Variants in TRPM3 observed in about 807,000 individuals in gnomAD.
The protein encoded by TRPM3 is long transient receptor potential channel 3.
In TRPM3, 77 loss-of-function variants were observed where a neutral mutation model predicts 181.2. The ratio of observed to expected loss-of-function variants is 0.42; its 90% confidence interval spans 0.35 to 0.51. TRPM3 has a LOEUF of 0.51. TRPM3 is among the 20% of genes least tolerant of loss of function. TRPM3 has a pLI of 0.01. For synonymous variants in TRPM3, 745 were observed against 796.4 expected (o/e 0.94, Z 1.09); for missense variants, 1,759 against 2,196.7 (o/e 0.80, Z 3.98).
chr9:71,415,181 C>A (rs1481907987), intron 1 of TRPM3, among the ~76,000 whole-genome samples: 1 of 151,984 alleles, frequency 6.6e-6, no homozygotes, highest in Non-Finnish European at 1.5e-5. Flanking sequence ...ATGCTGATAG[C>A]CCAAGAGAAG....
intron 1 of TRPM3, among the ~76,000 whole-genome samples, chr9:71,182,934 T>C (rs1482195435): frequency 7.2e-5 from 11 of 152,122 alleles, no homozygotes; most frequent in Non-Finnish European, 2.9e-5. Context: ...AGTGCTGGGA[T>C]TACAGGCATG....
At chr9:71,322,613 G>T (rs1420343116) in intron 1 of TRPM3, among the ~76,000 whole-genome samples, 6 of 152,038 alleles carry the variant, frequency 3.9e-5, no homozygotes, top group African/African-American at 1.2e-4. Flanking sequence ...GAATGAGTCT[G>T]CTGGTTTTTT....
intron 1 of TRPM3, among the ~76,000 whole-genome samples, chr9:71,244,417 C>T (rs535884188): frequency 5.9e-5 from 9 of 152,250 alleles, no homozygotes; most frequent in African/African-American, 2.2e-4. Context: ...GATTCCAGTG[C>T]TCATACTCTC....
At chr9:70,680,801 G>A (rs928918374) in intron 9 of TRPM3, among the ~76,000 whole-genome samples, 13 of 152,186 alleles carry the variant, frequency 8.5e-5, no homozygotes, top group Non-Finnish European at 1.8e-4. Flanking sequence ...GAAGTGTAAT[G>A]TACTTAGTAA....
chr9:70,950,784 G>A (rs979238446), intron 1 of TRPM3, among the ~76,000 whole-genome samples: 4 of 152,026 alleles, frequency 2.6e-5, no homozygotes, highest in Admixed American at 1.3e-4. Flanking sequence ...TTCTCAGAGC[G>A]CATCTACCTT....
intron 1 of TRPM3, among the ~76,000 whole-genome samples, chr9:71,024,614 T>C (rs1051216518): frequency 5.3e-5 from 8 of 152,202 alleles, no homozygotes; most frequent in African/African-American, 1.9e-4. Flanking sequence ...GGGCAAGTTA[T>C]CGAAACTTCT....
chr9:70,956,611 C>A (rs2097075183), intron 1 of TRPM3, among the ~76,000 whole-genome samples: 1 of 152,092 alleles, frequency 6.6e-6, no homozygotes, highest in African/African-American at 2.4e-5. Context: ...TTAGGCTGGG[C>A]ATGGTAATAC....
At chr9:71,154,835 C>A (rs886892844) in intron 1 of TRPM3, among the ~76,000 whole-genome samples, 4 of 152,076 alleles carry the variant, frequency 2.6e-5, no homozygotes, top group African/African-American at 9.7e-5. Context: ...GCAGTGGCAC[C>A]AAAGAACGAT....
At chr9:70,889,248 T>C (rs2096150870) in intron 1 of TRPM3, among the ~76,000 whole-genome samples, 1 of 152,112 alleles carries the variant, frequency 6.6e-6, no homozygotes, top group African/African-American at 2.4e-5. Context: ...AACTTCTGCC[T>C]CCTCTCCACA....
chr9:70,596,712 CAAAAAA>C (rs33932883), intron 21 of TRPM3, among the ~76,000 whole-genome samples: 1 of 132,112 alleles, frequency 7.6e-6, no homozygotes, highest in Non-Finnish European at 1.6e-5. Flanking sequence ...AAAACACTGT[CAAAAAA>C]AAAAAAAAAA....
chr9:71,168,558 T>TG lies in TRPM3; in HGVS notation c.183+278094_183+278095insC, dbSNP rs1421935420. On this transcript the variant is annotated intron_variant, in intron 1 of 24. Coordinates refer to the TRPM3 transcript ENST00000357533. ...GTGATTTATTTATTTATTTATTTAT[T>TG]TATTTATTTATTTATTTTTGTTTTT... 7.3e-5 allele frequency among the ~76,000 whole-genome samples: 8 copies of TG among 110,004 alleles called. 1 individual carries two copies. Among genetic ancestry groups the TG allele is most frequent in the African/African-American group, 2.9e-4 (8 of 27,684 alleles). 72.2% of individuals were successfully genotyped at this position (110,004 alleles called of 152,430 possible).
At chr9:70,675,825 T>G (rs2063882727) in intron 9 of TRPM3, among the ~76,000 whole-genome samples, 1 of 152,230 alleles carries the variant, frequency 6.6e-6, no homozygotes, top group Admixed American at 6.5e-5. Flanking sequence ...ATCTCCTTTT[T>G]TGTCTTTTTG....
chr9:71,266,102 A>G (rs2083376815), intron 1 of TRPM3, among the ~76,000 whole-genome samples: 1 of 152,208 alleles, frequency 6.6e-6, no homozygotes, highest in African/African-American at 2.4e-5. Context: ...CACTGTAGCC[A>G]AAACCAGAAT....
chr9:71,351,095 A>G (rs925972188), intron 1 of TRPM3, among the ~76,000 whole-genome samples: 5 of 152,216 alleles, frequency 3.3e-5, no homozygotes, highest in Admixed American at 3.3e-4. Flanking sequence ...CATCCTTTTT[A>G]AAGGTGAACC....
chr9:71,321,514 C>A (rs1223877956), intron 1 of TRPM3, among the ~76,000 whole-genome samples: 1 of 152,122 alleles, frequency 6.6e-6, no homozygotes, highest in Non-Finnish European at 1.5e-5. Flanking sequence ...TCATATGAGG[C>A]ATTCATACAT....
At chr9:71,197,401 G>C (rs2078454391) in intron 1 of TRPM3, among the ~76,000 whole-genome samples, 1 of 152,104 alleles carries the variant, frequency 6.6e-6, no homozygotes, top group South Asian at 2.1e-4. Flanking sequence ...TGGGATGGCT[G>C]GGTCAAATGG....
intron 1 of TRPM3, among the ~76,000 whole-genome samples, chr9:70,940,328 C>A (rs1030078277): frequency 4.6e-5 from 7 of 152,294 alleles, no homozygotes; most frequent in African/African-American, 1.7e-4. Context: ...AGCTTTTGTT[C>A]TTCATCAACA....
intron 12 of TRPM3, among the ~76,000 whole-genome samples, chr9:70,633,545 TC>T (rs2066294918): frequency 6.6e-6 from 1 of 152,160 alleles, no homozygotes; most frequent in Non-Finnish European, 1.5e-5. Flanking sequence ...GAAAAATCCT[TC>T]ATTAAGGTGG....
At chr9:70,992,397 G>A (rs913360326) in intron 1 of TRPM3, among the ~76,000 whole-genome samples, 6 of 152,164 alleles carry the variant, frequency 3.9e-5, no homozygotes, top group African/African-American at 1.4e-4. Flanking sequence ...GTCCCTCTGG[G>A]TAGATTAATT....
Sources: gnomAD v4.1 joint callset for allele counts (sites outside exome capture counted in the v4.1 genomes callset) on GRCh38, gnomAD v4.1.1 for gene constraint, MANE v1.5 for transcripts, NCBI Gene and HGNC (gene_info 2026-07-23, HGNC 2026-07-21) for gene names.